FREM3: variants seen among roughly 807,000 people sequenced by gnomAD.
FREM3 encodes the protein FRAS1-related extracellular matrix protein 3.
A neutral mutation model predicts 129.1 loss-of-function variants in FREM3; 105 were observed. That is an observed-to-expected ratio of 0.81 (90% confidence interval 0.69 to 0.96). The LOEUF (loss-of-function observed/expected upper bound fraction) is 0.96, where lower values mean the gene tolerates loss of function less well. Ranked by LOEUF, FREM3 falls within the 40% of genes least tolerant of loss-of-function variation. FREM3 has a pLI of 0.00. For missense variants in FREM3, 2,593 were observed against 2,666.3 expected (o/e 0.97, Z 0.61); for synonymous variants, 1,014 against 1,044.9 (o/e 0.97, Z 0.57).
At chr4:143,579,777 T>C (rs1738100433) in intron 7 of FREM3, among the ~76,000 whole-genome samples, 1 of 152,224 alleles carries the variant, frequency 6.6e-6, no homozygotes, top group African/African-American at 2.4e-5. Flanking sequence ...ATACATAAGA[T>C]TAATATAGTT....
intron 2 of FREM3, among the ~76,000 whole-genome samples, chr4:143,676,054 A>T (rs941068974): frequency 6.6e-6 from 1 of 152,248 alleles, no homozygotes; most frequent in Non-Finnish European, 1.5e-5. Flanking sequence ...AGCCAGCATT[A>T]TCCTGATACC....
chr4:143,619,179 G>A (rs115925701), intron 5 of FREM3, among the ~76,000 whole-genome samples: 2,677 of 152,224 alleles, frequency 0.018, 45 homozygotes, highest in Non-Finnish European at 0.028. Context: ...CTCAGATTAT[G>A]CTAACACTGC....
At chr4:143,642,671 A>G (rs940099049) in intron 2 of FREM3, among the ~76,000 whole-genome samples, 2 of 152,238 alleles carry the variant, frequency 1.3e-5, no homozygotes, top group Admixed American at 1.3e-4. Flanking sequence ...AAAACTCACA[A>G]CTATGCAACT....
In FREM3 at chr4:143,696,037, G is replaced by A; in HGVS notation, c.4639C>T (p.Leu1547=). The A allele has an allele frequency of 6.5e-7, 1 of 1,537,820 alleles. No individual in the cohort carries two copies. ...ATCAGTTGGCTATCCTCTTTCTGTAGTGTTAGTCTATGGATGGTCAAGATA... is the reference window on the plus strand; with the variant it reads ...ATCAGTTGGCTATCCTCTTTCTGTAATGTTAGTCTATGGATGGTCAAGATA... The part of the protein sequence containing the change: ...KPILTIHRLT[L]QKEDSQLITL... Residue 1547 remains leucine (L), a synonymous_variant, in exon 1 of 8, where the codon CTA becomes TTA. Transcript: ENST00000329798.
intron 2 of FREM3, among the ~76,000 whole-genome samples, chr4:143,669,359 G>A (rs1021310856): frequency 6.6e-6 from 1 of 152,206 alleles, no homozygotes; most frequent in Non-Finnish European, 1.5e-5. Context: ...AGGCTGGAGT[G>A]CAGTGGCTTG....
At chr4:143,684,998 G>C (rs572598793) in intron 2 of FREM3, among the ~76,000 whole-genome samples, 20 of 152,074 alleles carry the variant, frequency 1.3e-4, no homozygotes, top group African/African-American at 4.1e-4. Flanking sequence ...AAGAAGTCTG[G>C]GATTATGTTA....
At chr4:143,685,276 C>A (rs1005657832) in intron 2 of FREM3, among the ~76,000 whole-genome samples, 1 of 152,108 alleles carries the variant, frequency 6.6e-6, no homozygotes, top group Non-Finnish European at 1.5e-5. Context: ...TAAAGAAAAA[C>A]CTATCAGATT....
intron 5 of FREM3, among the ~76,000 whole-genome samples, chr4:143,618,631 C>T (rs970126898): frequency 2.6e-5 from 4 of 152,154 alleles, no homozygotes; most frequent in East Asian, 1.9e-4. Context: ...TGGTGGCACA[C>T]ACCTGTAGTC....
intron 2 of FREM3, among the ~76,000 whole-genome samples, chr4:143,661,558 G>C (rs1390014530): frequency 6.6e-6 from 1 of 151,488 alleles, no homozygotes; most frequent in African/African-American, 2.4e-5. Flanking sequence ...CTCTTTTTTG[G>C]TTGTGTCTCT....
intron 2 of FREM3, among the ~76,000 whole-genome samples, chr4:143,661,768 C>G (rs1326728257): frequency 6.6e-6 from 1 of 152,112 alleles, no homozygotes; most frequent in Non-Finnish European, 1.5e-5. Context: ...AATTTCAGCT[C>G]CTGTTATTGG....
chr4:143,699,615 G>A lies in FREM3; in HGVS notation c.1061C>T (p.Pro354Leu), dbSNP rs932356047. 1.3e-5 allele frequency: 20 copies of A among 1,529,676 alleles called. No individual in the cohort carries two copies. The highest frequency in any genetic ancestry group is 1.7e-5 in the Non-Finnish European group (19 of 1,142,052). 94.8% of individuals were successfully genotyped at this position (1,529,676 alleles called of 1,614,324 possible). A position where few individuals can be genotyped will look rare whatever the true frequency, so the allele number is the denominator to read the frequency against. ...FNILNAPTHP[P>L]GHPGQQGYVV... Reference sequence around the variant, plus strand: ...GTAGCCCTGTTGCCCCGGGTGCCCTGGTGGGTGAGTGGGGGCGTTCAGAAT... The same window carrying A: ...GTAGCCCTGTTGCCCCGGGTGCCCTAGTGGGTGAGTGGGGGCGTTCAGAAT... Residue 354 changes from proline (P) to leucine (L), a missense_variant, in exon 1 of 8, where the codon CCA (proline) becomes CTA (leucine). Around this residue, in one of 2 missense-constraint regions of FREM3, gnomAD observed 2,276 missense variants for 2,267.2 expected, o/e 1.00. Transcript: ENST00000329798. This position sits in a 1 kb window ranked among gnomAD's most constrained non-coding sequence, Gnocchi z 4.2.
At chr4:143,680,703 T>G (rs1167379142) in intron 2 of FREM3, among the ~76,000 whole-genome samples, 1 of 152,130 alleles carries the variant, frequency 6.6e-6, no homozygotes, top group Non-Finnish European at 1.5e-5. Flanking sequence ...GTGAAAATTT[T>G]GGGCCATGGA....
intron 6 of FREM3, among the ~76,000 whole-genome samples, chr4:143,592,379 T>C (rs1738380801): frequency 6.6e-6 from 1 of 152,208 alleles, no homozygotes; most frequent in East Asian, 1.9e-4. Context: ...TGGCTGGTAC[T>C]GGTTGTTCCT....
chr4:143,698,931 A>G lies in FREM3; in HGVS notation c.1745T>C (p.Val582Ala), dbSNP rs1462132448. The change falls in exon 1 of 8, where the codon GTG becomes GCG. Residue 582 changes from valine (V) to alanine (A), a missense_variant. Physicochemically the swap from Val to Ala is moderately conservative, Grantham distance 64 (BLOSUM62 0). Around this residue, in one of 2 missense-constraint regions of FREM3, gnomAD observed 2,276 missense variants for 2,267.2 expected, o/e 1.00. Transcript: ENST00000329798. ...IDSEDSTIHFVLENQPLKGNE... is the reference protein window; with the variant it reads ...IDSEDSTIHFALENQPLKGNE... The stretch of plus-strand genomic sequence containing the variant: ...TCCTTTTAGGGGCTGGTTCTCCAGC[A>G]CAAAGTGGATGGTTGAGTCCTCAGA... 6.5e-7 allele frequency: 1 copy of G among 1,537,372 alleles called. No individual in the cohort carries two copies. The highest frequency in any genetic ancestry group is 8.7e-7 in the Non-Finnish European group (1 of 1,146,942).
chr4:143,619,227 C>G (rs954462290), intron 5 of FREM3, among the ~76,000 whole-genome samples: 1 of 152,192 alleles, frequency 6.6e-6, no homozygotes, highest in African/African-American at 2.4e-5. Context: ...TACCATGTAG[C>G]TTGATTAGTT....
intron 6 of FREM3, among the ~76,000 whole-genome samples, chr4:143,588,975 T>G (rs1481757786): frequency 6.6e-6 from 1 of 152,030 alleles, no homozygotes; most frequent in African/African-American, 2.4e-5. Flanking sequence ...GGTTTTGATT[T>G]GCATTTCTCT....
intron 2 of FREM3, among the ~76,000 whole-genome samples, chr4:143,645,984 A>T (rs1739407481): frequency 6.6e-6 from 1 of 152,190 alleles, no homozygotes; most frequent in South Asian, 2.1e-4. Flanking sequence ...CATTTTGTAT[A>T]TGTATTCTTT....
chr4:143,633,620 G>A (rs34884654), intron 2 of FREM3, among the ~76,000 whole-genome samples: 182 of 152,246 alleles, frequency 1.2e-3, no homozygotes, highest in Non-Finnish European at 2.1e-3. Flanking sequence ...GCATGCAGTA[G>A]GCACTCAAGA....
chr4:143,579,079 G>A (rs987894231), intron 7 of FREM3, among the ~76,000 whole-genome samples: 12 of 149,414 alleles, frequency 8.0e-5, no homozygotes, highest in South Asian at 2.1e-4. Context: ...AAAAAAAAGC[G>A]TCTCACTCTA....
Sources: gnomAD v4.1 joint callset for allele counts (sites outside exome capture counted in the v4.1 genomes callset) on GRCh38, gnomAD v4.1.1 for gene constraint, gnomAD v4.1.1 regional missense constraint, Gnocchi (gnomAD v3.1) non-coding constraint, MANE v1.5 for transcripts, NCBI Gene and HGNC (gene_info 2026-07-23, HGNC 2026-07-21) for gene names.